STK3: variants seen among roughly 807,000 people sequenced by gnomAD.
STK3 encodes the protein serine/threonine kinase 3.
Under a neutral mutation model 58.0 loss-of-function variants are expected in STK3, and 41 were observed. That is an observed-to-expected ratio of 0.71 (90% CI 0.55 to 0.92). The LOEUF (loss-of-function observed/expected upper bound fraction) is 0.92, where lower values mean the gene tolerates loss of function less well. STK3 is among the 40% of genes least tolerant of loss of function. The probability of loss-of-function intolerance (pLI) is 0.00; values close to 1 mark genes in which losing one functional copy is unlikely to be tolerated. For missense variants in STK3, 479 were observed against 602.7 expected, an observed-to-expected ratio of 0.79 and a Z score of 2.15; for synonymous variants, 170 against 191.0, an observed-to-expected ratio of 0.89 and a Z score of 0.91.
intron 7 of STK3, among the ~76,000 whole-genome samples, chr8:98,589,409 C>T (rs1022427908): frequency 2.6e-5 from 4 of 152,200 alleles, no homozygotes; most frequent in East Asian, 1.9e-4. Context: ...TTAGGCTGCC[C>T]GGGGGTCAGG....
intron 2 of STK3, among the ~76,000 whole-genome samples, chr8:98,373,403 A>G (rs1817633041): frequency 6.6e-6 from 1 of 152,214 alleles, no homozygotes; most frequent in Non-Finnish European, 1.5e-5. Flanking sequence ...AAATGTCATC[A>G]GTCATGACAT....
intron 1 of STK3, among the ~76,000 whole-genome samples, chr8:98,785,791 T>G (rs1313255726): frequency 6.6e-6 from 1 of 152,066 alleles, no homozygotes; most frequent in East Asian, 1.9e-4. Flanking sequence ...CTACACAGCA[T>G]TATTTCCACT....
At position 98,820,373 on chromosome 8, in the gene STK3, C is replaced by T. The variant is rs189682930; in HGVS notation, c.26+5142G>A. Among the ~76,000 whole-genome samples, 136 of 152,294 alleles carry T rather than the reference C, an allele frequency of 8.9e-4. 1 individual carries two copies. In the South Asian group the frequency reaches 0.014, roughly 16 times the overall value. ...CTTTTAGTGTTTTCATTGTTCAATG[C>T]TAACCTGCCCTCCAACCATACCTTA... On this transcript the variant is annotated intron_variant, in intron 1 of 10. Coordinates refer to ENST00000419617, the MANE Select transcript of STK3 (RefSeq NM_006281.4).
At chr8:98,913,118 T>C (rs1839214952) in intron 1 of STK3, among the ~76,000 whole-genome samples, 1 of 140,330 alleles carries the variant, frequency 7.1e-6, no homozygotes, top group Non-Finnish European at 1.5e-5. Flanking sequence ...AAATTAGGGG[T>C]TCACATAAAT....
At chr8:98,382,922 A>G (rs1213312310) in intron 1 of STK3, among the ~76,000 whole-genome samples, 2 of 152,148 alleles carry the variant, frequency 1.3e-5, no homozygotes, top group African/African-American at 4.8e-5. Flanking sequence ...GGCAGGCCGC[A>G]GCTGGGCCGC....
intron 9 of STK3, among the ~76,000 whole-genome samples, chr8:98,543,951 CATT>C (rs756124585): frequency 6.6e-6 from 1 of 152,084 alleles, no homozygotes; most frequent in Non-Finnish European, 1.5e-5. Context: ...AAAGACAAGA[CATT>C]AGGGCAGTGG....
intron 10 of STK3, among the ~76,000 whole-genome samples, chr8:98,507,892 C>A (rs1367991825): frequency 6.6e-6 from 1 of 152,172 alleles, no homozygotes; most frequent in South Asian, 2.1e-4. Context: ...CTCAATGAAG[C>A]CTTCTCCAAC....
intron 1 of STK3, among the ~76,000 whole-genome samples, chr8:98,780,610 T>G (rs1224993373): frequency 6.6e-6 from 1 of 152,100 alleles, no homozygotes; most frequent in Non-Finnish European, 1.5e-5. Flanking sequence ...TTATTTTATT[T>G]TTGCAAATGA....
chr8:98,506,789 G>C (rs72666624), intron 10 of STK3, among the ~76,000 whole-genome samples: 4,555 of 152,280 alleles, frequency 0.03, 105 homozygotes, highest in South Asian at 0.06. Context: ...AAAAGTAAAA[G>C]AGATTCTCTG....
At chr8:98,393,702 C>A (rs899361347) in intron 3 of STK3, 1 of 151,918 alleles carries the variant, frequency 6.6e-6, no homozygotes, top group Admixed American at 6.5e-5. Flanking sequence ...ACCTTTATAT[C>A]CTCTTATCCT....
chr8:98,467,619 G>GT (rs1257305408), intron 10 of STK3, among the ~76,000 whole-genome samples: 1 of 151,708 alleles, frequency 6.6e-6, no homozygotes, highest in African/African-American at 2.4e-5. Context: ...AGCAAAAAGA[G>GT]TATCTGTGAA....
chr8:98,481,869 TAATCAG>T (rs1821880616), intron 10 of STK3, among the ~76,000 whole-genome samples: 1 of 152,238 alleles, frequency 6.6e-6, no homozygotes, highest in Admixed American at 6.5e-5. Flanking sequence ...GATGTTTTGA[TAATCAG>T]ACTTCTCCTT....
At chr8:98,690,072 A>G (rs989337099) in intron 6 of STK3, among the ~76,000 whole-genome samples, 6 of 152,134 alleles carry the variant, frequency 3.9e-5, no homozygotes, top group Admixed American at 6.6e-5. Context: ...TCTATTACAA[A>G]CTCACGGCCA....
Position 98,903,556 on chromosome 8 carries a change from C to CTTCTTCTTCTTCTTCTT in STK3, c.-78-19723_-78-19722insAAGAAGAAGAAGAAGAA, listed in dbSNP as rs200556218. Among the ~76,000 whole-genome samples, 46 of 50,516 alleles carry CTTCTTCTTCTTCTTCTT rather than the reference C, an allele frequency of 9.1e-4. 1 individual carries two copies. Among genetic ancestry groups the CTTCTTCTTCTTCTTCTT allele is most frequent in the East Asian group, 1.7e-3 (3 of 1,812 alleles). The allele number at this position is 50,516 out of a possible 152,430, so 33.1% of individuals were successfully genotyped here. A position where few individuals can be genotyped will look rare whatever the true frequency, so the allele number is the denominator to read the frequency against. On this transcript the variant is annotated intron_variant, in intron 1 of 1. Transcript: ENST00000519420. Reference sequence around the variant, plus strand: ...TCTTCTTCTTCTTCTTCTTCTTCTTCCTTTTTTTTTTTTTAAGTGGGGCCT... The same window carrying CTTCTTCTTCTTCTTCTT: ...TCTTCTTCTTCTTCTTCTTCTTCTTCTTCTTCTTCTTCTTCTTCTTTTTTTTTTTTTAAGTGGGGCCT...
chr8:98,385,961 GA>G (rs1563589407), intron 1 of STK3, among the ~76,000 whole-genome samples: 1 of 152,170 alleles, frequency 6.6e-6, no homozygotes, highest in Admixed American at 6.5e-5. Context: ...TGAGCCAAGA[GA>G]TGTGTTAGGG....
chr8:98,939,703 A>C (rs1840332753), intron 1 of STK3, among the ~76,000 whole-genome samples: 2 of 152,260 alleles, frequency 1.3e-5, no homozygotes, highest in African/African-American at 4.8e-5. Context: ...AGTGCGTTGA[A>C]AAACACACAC....
intron 4 of STK3, among the ~76,000 whole-genome samples, chr8:98,712,057 A>T (rs961794562): frequency 2.0e-5 from 3 of 152,188 alleles, no homozygotes; most frequent in African/African-American, 7.2e-5. Context: ...AAGGAGAAAT[A>T]AAATACTTTA....
intron 1 of STK3, chr8:98,905,181 C>T: frequency 9.2e-7 from 1 of 1,084,456 alleles, no homozygotes; most frequent in Non-Finnish European, 1.4e-6. Context: ...CTGATAGCAG[C>T]CACACTGGTC....
At chr8:98,767,208 A>G in intron 3 of STK3, 35 bp downstream of exon 3, 1 of 1,548,310 alleles carries the variant, frequency 6.5e-7, no homozygotes, top group Admixed American at 2.1e-5. Context: ...ACTCGTCAAA[A>G]CAAGGGTAAG....
Sources: allele counts gnomAD v4.1 joint callset (sites outside exome capture counted in the v4.1 genomes callset), GRCh38; gene constraint gnomAD v4.1.1; transcripts MANE v1.5; gene names NCBI Gene and HGNC (gene_info 2026-07-23, HGNC 2026-07-21).